The following RAB18 variants were observed in gnomAD, a reference collection of about 807,000 sequenced individuals.
The protein encoded by RAB18 is RAB18, member RAS oncogene family.
A neutral mutation model predicts 28.5 loss-of-function variants in RAB18; 10 were observed. The observed-to-expected ratio is 0.35, with a 90% CI of 0.22 to 0.60. RAB18 has a LOEUF of 0.60. Among genes scored for constraint, RAB18 ranks in the 20% least tolerant of loss-of-function variants. RAB18 has a pLI of 0.78. For missense variants in RAB18, 188 were observed against 244.2 expected (o/e 0.77, Z 1.53); for synonymous variants, 93 against 86.9 (o/e 1.07, Z -0.39).
chr10:27,505,033 A>C, intron 1 of RAB18: 2 of 533,560 alleles, frequency 3.7e-6, no homozygotes, highest in Non-Finnish European at 7.7e-6. Flanking sequence ...CTTTAGTGTA[A>C]GGTCCGAGTG....
intron 2 of RAB18, among the ~76,000 whole-genome samples, chr10:27,514,842 T>C (rs1269638855): frequency 6.6e-6 from 1 of 151,932 alleles, no homozygotes; most frequent in Admixed American, 6.6e-5. Flanking sequence ...CAAACATAGC[T>C]CACTCCAGCC....
intron 1 of RAB18, among the ~76,000 whole-genome samples, chr10:27,509,196 A>AT (rs1834276191): frequency 6.6e-6 from 1 of 151,586 alleles, no homozygotes; most frequent in Non-Finnish European, 1.5e-5. Context: ...ATTTTCTTCC[A>AT]TTTTTTGTTA....
intron 2 of RAB18, among the ~76,000 whole-genome samples, chr10:27,520,856 G>T (rs1375013805): frequency 7.7e-6 from 1 of 130,096 alleles, no homozygotes; most frequent in Admixed American, 9.1e-5. Context: ...GGCAGAAGTT[G>T]CAGTGAGCCG....
At chr10:27,525,439 T>TTA (rs1564833769) in intron 2 of RAB18, among the ~76,000 whole-genome samples, 2 of 151,678 alleles carry the variant, frequency 1.3e-5, no homozygotes, top group African/African-American at 2.4e-5. Context: ...TTTTTTTTTT[T>TTA]AAAGCAATAG....
intron 2 of RAB18, among the ~76,000 whole-genome samples, chr10:27,512,679 G>A (rs12356998): frequency 0.43 from 65,004 of 151,934 alleles, 14,547 homozygotes; most frequent in Non-Finnish European, 0.5. Context: ...GCCTGAGTAC[G>A]TATTGGTATT....
intron 2 of RAB18, among the ~76,000 whole-genome samples, chr10:27,512,493 A>G (rs897105949): frequency 7.3e-5 from 11 of 151,706 alleles, no homozygotes; most frequent in African/African-American, 2.7e-4. Flanking sequence ...TTTAGTAGAG[A>G]TGGGTTTTGC....
At chr10:27,507,385 G>A (rs534771887) in intron 1 of RAB18, among the ~76,000 whole-genome samples, 2 of 152,206 alleles carry the variant, frequency 1.3e-5, no homozygotes, top group East Asian at 1.9e-4. Flanking sequence ...TTTCAAAAGC[G>A]AGGGGGTTGG....
chr10:27,504,618 C>T (rs1312564786), intron 1 of RAB18, 181 bp downstream of exon 1: 4 of 781,574 alleles, frequency 5.1e-6, no homozygotes, highest in Non-Finnish European at 9.0e-6. Flanking sequence ...TCTCCCCACC[C>T]GCGCCTGCCT....
chr10:27,533,943 G>A lies in RAB18; in HGVS notation c.394G>A (p.Asp132Asn), dbSNP rs190213580. ...NKIDKENREV[D>N]RNEGLKFARK... ...TATATTTTAGGAAAATCGTGAAGTC[G>A]ATAGAAATGAAGGCCTGAAATTTGC... The change falls in exon 6 of 7, where the codon GAT (aspartate) becomes AAT (asparagine). Residue 132 changes from aspartate (D) to asparagine (N), a missense_variant. Transcript: ENST00000356940. 6.2e-6 allele frequency: 10 copies of A among 1,610,138 alleles called. No homozygotes were observed. Among genetic ancestry groups the A allele is most frequent in the Admixed American group, 1.7e-5 (1 of 60,016 alleles).
chr10:27,534,139 T>C, intron 6 of RAB18, 145 bp downstream of exon 6: 1 of 744,692 alleles, frequency 1.3e-6, no homozygotes, highest in Non-Finnish European at 2.3e-6. Context: ...TCTAACTATA[T>C]AACAAGGTTC....
At chr10:27,523,403 C>T (rs1168653343) in intron 2 of RAB18, among the ~76,000 whole-genome samples, 1 of 150,590 alleles carries the variant, frequency 6.6e-6, no homozygotes, top group Admixed American at 6.7e-5. Context: ...TCTTTTTCCT[C>T]AACTCCATTG....
intron 3 of RAB18, chr10:27,527,097 T>C: frequency 1.5e-6 from 1 of 676,280 alleles, no homozygotes; most frequent in Non-Finnish European, 2.8e-6. Context: ...TCACAATGCA[T>C]AATTCTTTAT....
intron 1 of RAB18, among the ~76,000 whole-genome samples, chr10:27,509,610 C>T (rs1834284995): frequency 6.6e-6 from 1 of 152,116 alleles, no homozygotes; most frequent in Admixed American, 6.5e-5. Context: ...CAAAAACCCC[C>T]ACCTTTTGTA....
chr10:27,538,995 TG>T lies in RAB18; in HGVS notation c.*948del, dbSNP rs927948172. On this transcript the variant is annotated 3_prime_UTR_variant, in exon 7 of 7. Transcript: ENST00000356940. ...AAACCTATTTCTGTGTTTTGAGGGG[TG>T]GGGAAAAAAAACACTAAGTGATAAT... 84 of 428,896 alleles carry T rather than the reference TG, an allele frequency of 2.0e-4. No homozygotes were observed. Among genetic ancestry groups the T allele is most frequent in the African/African-American group, 1.6e-3 (77 of 48,764 alleles). 26.6% of individuals were successfully genotyped at this position (428,896 alleles called of 1,614,324 possible). A position where few individuals can be genotyped will look rare whatever the true frequency, so the allele number is the denominator to read the frequency against.
At chr10:27,531,741 A>G (rs1589585827) in intron 3 of RAB18, 2 of 544,384 alleles carry the variant, frequency 3.7e-6, no homozygotes, top group East Asian at 6.2e-5. Context: ...AAGACAAGAG[A>G]GAGAAGGAAT....
rs1182720418 is a variant in RAB18 at position 27,538,493 on chromosome 10, A to G, written c.*442A>G. On this transcript the variant is annotated 3_prime_UTR_variant, in exon 7 of 7. Coordinates refer to ENST00000356940, the MANE Select transcript of RAB18 (RefSeq NM_021252.5). ...ACGTGGCAAATTTTCTTTCAGGAAT[A>G]ATAAAGAGCATGATTCCACAGCTTT... is the stretch of plus-strand genomic sequence containing the variant. The G allele has an allele frequency of 4.4e-6, 2 of 454,616 alleles. No homozygotes were observed. Among genetic ancestry groups the G allele is most frequent in the Admixed American group, 2.3e-5 (1 of 42,556 alleles). The allele number at this position is 454,616 out of a possible 1,614,324, so 28.2% of individuals were successfully genotyped here. A position where few individuals can be genotyped will look rare whatever the true frequency, so the allele number is the denominator to read the frequency against.
intron 2 of RAB18, among the ~76,000 whole-genome samples, chr10:27,517,467 T>TG (rs1834459787): frequency 5.9e-5 from 9 of 152,226 alleles, no homozygotes; most frequent in Admixed American, 5.9e-4. Flanking sequence ...CATAGGGAAT[T>TG]GGACTAACAA....
intron 2 of RAB18, among the ~76,000 whole-genome samples, chr10:27,522,551 A>G (rs1203428442): frequency 2.0e-5 from 3 of 152,180 alleles, no homozygotes; most frequent in African/African-American, 7.2e-5. Context: ...TAATATACCA[A>G]TAAGGAAGGA....
chr10:27,531,594 G>A, intron 3 of RAB18: 3 of 1,090,346 alleles, frequency 2.8e-6, no homozygotes, highest in Non-Finnish European at 4.1e-6. Flanking sequence ...GTCCAATCCT[G>A]AAGTGGGCCA....
Sources: gnomAD v4.1 joint callset for allele counts (sites outside exome capture counted in the v4.1 genomes callset) on GRCh38, gnomAD v4.1.1 for gene constraint, MANE v1.5 for transcripts, NCBI Gene and HGNC (gene_info 2026-07-23, HGNC 2026-07-21) for gene names.